Variants in PTBP3 observed in about 807,000 individuals in gnomAD.
The protein encoded by PTBP3 is polypyrimidine tract binding protein 3.
In PTBP3, 20 loss-of-function variants were observed where a neutral mutation model predicts 58.7. The ratio of observed to expected loss-of-function variants is 0.34; its 90% CI spans 0.24 to 0.50. The LOEUF (loss-of-function observed/expected upper bound fraction) is 0.50, where lower values mean the gene tolerates loss of function less well. PTBP3 is among the 20% of genes least tolerant of loss of function. PTBP3 has a pLI of 0.98. For missense variants in PTBP3, 509 were observed against 637.2 expected, an observed-to-expected ratio of 0.80 and a Z score of 2.17; for synonymous variants, 185 against 219.8, an observed-to-expected ratio of 0.84 and a Z score of 1.40.
Position 112,222,446 on chromosome 9 carries a change from G to C in PTBP3, c.*1405C>G. Reference sequence around the variant, plus strand: ...TCGCTTGAGGACTGAGAAAAACCAAGTAATCCTGAGACAAATTCTGATGGG... The same window carrying C: ...TCGCTTGAGGACTGAGAAAAACCAACTAATCCTGAGACAAATTCTGATGGG... On this transcript the variant is annotated 3_prime_UTR_variant, in exon 14 of 14. Transcript: ENST00000374257. 3.0e-6 allele frequency: 3 copies of C among 985,446 alleles called. No homozygotes were observed. The South Asian group carries it at 1.4e-4, about 46-fold the overall frequency. The allele number at this position is 985,446 out of a possible 1,614,324, so 61.0% of individuals were successfully genotyped here. A position where few individuals can be genotyped will look rare whatever the true frequency, so the allele number is the denominator to read the frequency against.
At chr9:112,290,577 C>G (rs1828349986) in intron 2 of PTBP3, among the ~76,000 whole-genome samples, 1 of 150,924 alleles carries the variant, frequency 6.6e-6, no homozygotes, top group Non-Finnish European at 1.5e-5. Flanking sequence ...GAGCCTGAGG[C>G]ACATGAATCG....
chr9:112,237,154 T>C lies in PTBP3; in HGVS notation c.803-2257A>G, dbSNP rs73535723. Reference sequence around the variant, plus strand: ...TGGCAAACAATCATCAAGACCAAATTTGAATAACTGTTTCCATGTAAAATA... The same window carrying C: ...TGGCAAACAATCATCAAGACCAAATCTGAATAACTGTTTCCATGTAAAATA... On this transcript the variant is annotated intron_variant, in intron 7 of 13. Transcript: ENST00000374257. 5.6e-3 allele frequency among the ~76,000 whole-genome samples: 858 copies of C among 152,292 alleles called. 14 individuals carry two copies. The highest frequency in any genetic ancestry group is 0.019 in the African/African-American group (804 of 41,552).
At chr9:112,355,932 C>CCT in the PTBP3 span, among the ~76,000 whole-genome samples, 92 of 132,842 alleles carry the variant, frequency 6.9e-4, no homozygotes, top group African/African-American at 2.4e-3. Flanking sequence ...ATAAAAGTTT[C>CCT]TTTCTTTTCT....
chr9:112,275,801 T>C (rs774223256), intron 3 of PTBP3, 43 bp downstream of exon 3: 3 of 1,491,208 alleles, frequency 2.0e-6, no homozygotes, highest in Non-Finnish European at 2.8e-6. Flanking sequence ...AATACTAACA[T>C]CTGGAGATAA....
rs1564380308 is a variant in PTBP3, at chr9:112,220,360, A to C, written c.*3491T>G. 1.6e-6 allele frequency: 2 copies of C among 1,266,452 alleles called. No individual in the cohort carries two copies. The highest frequency in any genetic ancestry group is 2.0e-6 in the Non-Finnish European group (2 of 977,040). The allele number at this position is 1,266,452 out of a possible 1,614,324, so 78.5% of individuals were successfully genotyped here. On this transcript the variant is annotated 3_prime_UTR_variant, in exon 14 of 14. Transcript: ENST00000374257. ...AGCAGGAGAATCACTTGAGCCCAGG[A>C]GTTGGCGAGACCCCTAAAAATAAAA...
At chr9:112,237,915 T>C (rs1835497634) in intron 7 of PTBP3, among the ~76,000 whole-genome samples, 2 of 152,172 alleles carry the variant, frequency 1.3e-5, no homozygotes, top group Admixed American at 1.3e-4. Context: ...AAATTTACAG[T>C]CCAAATTTAC....
At chr9:112,375,260 A>G in the PTBP3 span, among the ~76,000 whole-genome samples, 2 of 152,262 alleles carry the variant, frequency 1.3e-5, no homozygotes, top group East Asian at 3.9e-4. Context: ...CAATTTTCCA[A>G]TCTTGCTTCT....
intron 4 of PTBP3, among the ~76,000 whole-genome samples, chr9:112,264,966 A>G (rs1239389433): frequency 1.3e-5 from 2 of 152,360 alleles, no homozygotes; most frequent in South Asian, 2.1e-4. Flanking sequence ...AACTCTACTG[A>G]AAGACATAAA....
the PTBP3 span, among the ~76,000 whole-genome samples, chr9:112,339,898 C>A: frequency 1.3e-5 from 2 of 152,118 alleles, no homozygotes; most frequent in South Asian, 4.1e-4. Context: ...ATATAAATTT[C>A]TATCAGGATT....
chr9:112,228,563 A>ATACTATATT, intron 10 of PTBP3, 91 bp from the exon 11 acceptor site: 1 of 806,618 alleles, frequency 1.2e-6, no homozygotes, highest in Non-Finnish European at 1.9e-6. Context: ...GGCATTTCTT[A>ATACTATATT]CTCTCCCTTG....
At chr9:112,252,894 T>G in intron 5 of PTBP3, 106 bp from the exon 6 acceptor site, 1 of 699,496 alleles carries the variant, frequency 1.4e-6, no homozygotes. Flanking sequence ...AAATTTTCTC[T>G]TGAAAACTTT....
At chr9:112,360,186 A>C in the PTBP3 span, among the ~76,000 whole-genome samples, 2 of 152,052 alleles carry the variant, frequency 1.3e-5, no homozygotes, top group East Asian at 1.9e-4. Context: ...TAAAACCCAA[A>C]GGAATTTTTT....
At chr9:112,325,950 T>C (rs755658089) in intron 1 of PTBP3, among the ~76,000 whole-genome samples, 4 of 152,124 alleles carry the variant, frequency 2.6e-5, no homozygotes, top group Non-Finnish European at 2.9e-5. Context: ...CCCAGGAAGT[T>C]GAGACTGAGG....
chr9:112,333,013 G>T, intron 1 of PTBP3: 1 of 1,275,378 alleles, frequency 7.8e-7, no homozygotes, highest in Non-Finnish European at 9.9e-7. Flanking sequence ...GCCGTCGGCC[G>T]CTCGCCCCAC....
intron 2 of PTBP3, among the ~76,000 whole-genome samples, chr9:112,291,238 A>G (rs1235638416): frequency 6.6e-6 from 1 of 151,816 alleles, no homozygotes; most frequent in African/African-American, 2.4e-5. Flanking sequence ...CCAAAAAAAA[A>G]AGAAAACACA....
At chr9:112,350,658 GT>G in the PTBP3 span, among the ~76,000 whole-genome samples, 140 of 152,222 alleles carry the variant, frequency 9.2e-4, no homozygotes, top group African/African-American at 3.1e-3. Flanking sequence ...TTAATATGTT[GT>G]TGTTAATTCT....
intron 1 of PTBP3, 127 bp downstream of exon 1, chr9:112,333,343 G>GAA (rs1830462077): frequency 1.6e-5 from 18 of 1,159,218 alleles, no homozygotes; most frequent in Non-Finnish European, 2.0e-5. Flanking sequence ...CGTCGGGCTT[G>GAA]GCCGGGGCCG....
rs74642155 is a variant in PTBP3 at position 112,245,836 on chromosome 9, C to T, written c.802+5093G>A. Among the ~76,000 whole-genome samples, 1,164 of 152,084 alleles carry T rather than the reference C, an allele frequency of 7.7e-3. 21 individuals carry two copies. Among genetic ancestry groups the T allele is most frequent in the African/African-American group, 0.027 (1,107 of 41,492 alleles). On this transcript the variant is annotated intron_variant, in intron 7 of 13. Transcript: ENST00000374257. ...GGTAATTTGAACATAAAATGAAAAA[C>T]GAAAGTAGGAAATTATACCCTGTAG...
At chr9:112,269,371 C>T (rs1461273764) in intron 3 of PTBP3, among the ~76,000 whole-genome samples, 3 of 151,922 alleles carry the variant, frequency 2.0e-5, no homozygotes, top group African/African-American at 7.3e-5. Flanking sequence ...GAGTCTTAAA[C>T]AGAGATGGGG....
Sources: allele counts gnomAD v4.1 joint callset (sites outside exome capture counted in the v4.1 genomes callset), GRCh38; gene constraint gnomAD v4.1.1; transcripts MANE v1.5; gene names NCBI Gene and HGNC (gene_info 2026-07-23, HGNC 2026-07-21).